The following LARGE1 variants were observed in gnomAD, a reference collection of about 807,000 sequenced individuals.
LARGE1 encodes the protein xylosyl- and glucuronyltransferase LARGE1.
In LARGE1, 43 loss-of-function variants were observed where a neutral mutation model predicts 87.6. The observed-to-expected ratio is 0.49, with a 90% CI of 0.38 to 0.63. The LOEUF (loss-of-function observed/expected upper bound fraction) is 0.63, where lower values mean the gene tolerates loss of function less well. Ranked by LOEUF, LARGE1 falls within the 30% of genes least tolerant of loss-of-function variation. LARGE1 has a pLI of 0.00. For synonymous variants in LARGE1, 434 were observed against 394.6 expected, an observed-to-expected ratio of 1.10 and a Z score of -1.18; for missense variants, 802 against 1,000.2, an observed-to-expected ratio of 0.80 and a Z score of 2.67.
At chr22:33,469,964 A>G (rs1233008871) in intron 6 of LARGE1, among the ~76,000 whole-genome samples, 2 of 132,284 alleles carry the variant, frequency 1.5e-5, no homozygotes, top group Non-Finnish European at 1.6e-5. Context: ...ATCTTGGCTC[A>G]CTGCAAGCTC....
chr22:33,752,666 T>C (rs1259843532), intron 2 of LARGE1, among the ~76,000 whole-genome samples: 6 of 152,168 alleles, frequency 3.9e-5, no homozygotes. Flanking sequence ...GGATGAGATG[T>C]CCATATGAAA....
At chr22:33,688,466 C>T (rs187782833) in intron 2 of LARGE1, among the ~76,000 whole-genome samples, 1 of 152,282 alleles carries the variant, frequency 6.6e-6, no homozygotes, top group Non-Finnish European at 1.5e-5. Context: ...ATTCTCCTGC[C>T]TCAGTCTCCC....
At chr22:33,488,248 C>A (rs1214016759) in intron 6 of LARGE1, among the ~76,000 whole-genome samples, 3 of 152,224 alleles carry the variant, frequency 2.0e-5, no homozygotes, top group Non-Finnish European at 2.9e-5. Context: ...ATGCCAGGCA[C>A]ATCTCCTGTG....
rs1924098042 is a variant in LARGE1 at position 33,196,662 on chromosome 22, TAA to T, written c.1731-29832_1731-29831del. Among the ~76,000 whole-genome samples the T allele has an allele frequency of 2.6e-5, 4 of 151,042 alleles. No individual in the cohort carries two copies. In the South Asian group the frequency reaches 8.3e-4, roughly 32 times the overall value. On this transcript the variant is annotated intron_variant, in intron 11 of 11. Transcript: ENST00000608642. ...TTCAACTTTGGGATCTCCATAACAA[TAA>T]GAGTAAATACTAATAAGAATATTAT...
At chr22:33,150,020 C>T in the LARGE1 span, among the ~76,000 whole-genome samples, 5 of 152,150 alleles carry the variant, frequency 3.3e-5, no homozygotes, top group African/African-American at 1.2e-4. Context: ...GTCCCATAGA[C>T]AGGTTTTTAA....
intron 1 of LARGE1, among the ~76,000 whole-genome samples, chr22:33,768,427 C>A (rs889658329): frequency 2.8e-5 from 3 of 108,536 alleles, no homozygotes; most frequent in Non-Finnish European, 5.3e-5. Context: ...CACAATCCAA[C>A]GCGCGCGCTC....
chr22:33,119,225 C>T, the LARGE1 span, among the ~76,000 whole-genome samples: 132 of 152,294 alleles, frequency 8.7e-4, no homozygotes, highest in African/African-American at 3.1e-3. Flanking sequence ...TGCTGGGTCA[C>T]CTTAGCTGTG....
chr22:33,386,852 A>G (rs2147159723), intron 7 of LARGE1, among the ~76,000 whole-genome samples: 1 of 149,168 alleles, frequency 6.7e-6, no homozygotes, highest in East Asian at 1.9e-4. Context: ...CTGTGACCCC[A>G]GCACTTTGGG....
chr22:33,299,154 G>A (rs938447594), intron 12 of LARGE1, among the ~76,000 whole-genome samples: 17 of 151,498 alleles, frequency 1.1e-4, no homozygotes, highest in East Asian at 5.9e-4. Context: ...TTGAGGTTGC[G>A]GTGAGCCATG....
intron 9 of LARGE1, among the ~76,000 whole-genome samples, chr22:33,365,757 C>G (rs139353172): frequency 5.7e-4 from 86 of 152,198 alleles, no homozygotes; most frequent in African/African-American, 1.9e-3. Context: ...GCTGGGACTA[C>G]AGGCATGCGC....
intron 12 of LARGE1, among the ~76,000 whole-genome samples, chr22:33,298,638 T>C (rs1239328531): frequency 1.3e-5 from 2 of 152,110 alleles, no homozygotes; most frequent in Non-Finnish European, 2.9e-5. Flanking sequence ...GCCTGGACAA[T>C]AGGGTCTGGG....
At chr22:33,314,581 C>T (rs1176650422) in intron 11 of LARGE1, among the ~76,000 whole-genome samples, 3 of 152,208 alleles carry the variant, frequency 2.0e-5, no homozygotes, top group Admixed American at 6.5e-5. Context: ...AGGCACTGTT[C>T]TCGGCACTGT....
At chr22:33,739,805 G>A (rs1272299048) in intron 2 of LARGE1, among the ~76,000 whole-genome samples, 2 of 152,134 alleles carry the variant, frequency 1.3e-5, no homozygotes, top group South Asian at 2.1e-4. Context: ...CAGTTTAATC[G>A]CTGCTATTAA....
At chr22:33,709,292 C>T (rs886763904) in intron 2 of LARGE1, among the ~76,000 whole-genome samples, 1 of 152,132 alleles carries the variant, frequency 6.6e-6, no homozygotes, top group Admixed American at 6.5e-5. Flanking sequence ...CCTGAAAACA[C>T]GATCCCACCA....
chr22:33,402,982 T>C (rs1209301733), intron 7 of LARGE1, among the ~76,000 whole-genome samples: 1 of 152,164 alleles, frequency 6.6e-6, no homozygotes, highest in Non-Finnish European at 1.5e-5. Flanking sequence ...CCAAAATCCA[T>C]GCGTTTTCTA....
At chr22:33,508,995 C>T (rs768363480) in intron 6 of LARGE1, among the ~76,000 whole-genome samples, 3 of 152,160 alleles carry the variant, frequency 2.0e-5, no homozygotes, top group Non-Finnish European at 2.9e-5. Context: ...TTCAATTTAC[C>T]GCTCTGATTG....
chr22:33,667,888 C>T (rs2081311038), intron 2 of LARGE1, among the ~76,000 whole-genome samples: 1 of 152,246 alleles, frequency 6.6e-6, no homozygotes, highest in African/African-American at 2.4e-5. Context: ...AAATCACAGA[C>T]ATCGCCACAC....
chr22:33,657,068 T>A (rs1483732727), intron 2 of LARGE1: 3 of 152,124 alleles, frequency 2.0e-5, no homozygotes, highest in Non-Finnish European at 4.4e-5. Flanking sequence ...ATCCACCACT[T>A]TGAAATGAAT....
intron 7 of LARGE1, among the ~76,000 whole-genome samples, chr22:33,408,992 A>T (rs2066209087): frequency 6.6e-6 from 1 of 152,140 alleles, no homozygotes. Flanking sequence ...GCTCGGTATG[A>T]AGTCTATGCT....
Sources: allele counts gnomAD v4.1 joint callset (sites outside exome capture counted in the v4.1 genomes callset), GRCh38; gene constraint gnomAD v4.1.1; transcripts MANE v1.5; gene names NCBI Gene and HGNC (gene_info 2026-07-23, HGNC 2026-07-21).